ZC3H12B: variants seen among roughly 807,000 people sequenced by gnomAD.
The protein encoded by ZC3H12B is probable ribonuclease ZC3H12B.
Under a neutral mutation model 43.9 loss-of-function variants are expected in ZC3H12B, and 7 were observed. The ratio of observed to expected loss-of-function variants is 0.16; its 90% CI spans 0.09 to 0.30. ZC3H12B has a LOEUF of 0.30. Among genes scored for constraint, ZC3H12B ranks in the 10% least tolerant of loss-of-function variants. The pLI is 1.00. For missense variants in ZC3H12B, 475 were observed against 670.2 expected (o/e 0.71, Z 3.22); for synonymous variants, 222 against 241.7 (o/e 0.92, Z 0.76).
chrX:65,095,978 C>A, the ZC3H12B span, among the ~76,000 whole-genome samples: 74 of 110,591 alleles, frequency 6.7e-4, no homozygotes, highest in African/African-American at 2.1e-3. Flanking sequence ...GTCCACCTTT[C>A]AACAAAAGAT....
the ZC3H12B span, among the ~76,000 whole-genome samples, chrX:65,087,262 G>T: frequency 3.6e-5 from 4 of 111,108 alleles, no homozygotes; most frequent in Admixed American, 1.9e-4. Flanking sequence ...GCCAACACAG[G>T]CACACCCTCT....
chrX:65,319,046 G>A, the ZC3H12B span, among the ~76,000 whole-genome samples: 1 of 111,231 alleles, frequency 9.0e-6, no homozygotes, highest in Non-Finnish European at 1.9e-5. Context: ...ATACCCCAGA[G>A]CTAGCAGAGC....
intron 3 of ZC3H12B, among the ~76,000 whole-genome samples, chrX:65,463,169 A>C (rs1056736524): frequency 1.8e-5 from 2 of 111,920 alleles, no homozygotes; most frequent in Non-Finnish European, 3.8e-5. Context: ...CTTGAGTACT[A>C]TGCTCACTAC....
the ZC3H12B span, among the ~76,000 whole-genome samples, chrX:65,074,565 T>G: frequency 1.8e-5 from 2 of 112,217 alleles, no homozygotes; most frequent in African/African-American, 6.5e-5. Context: ...TGTTTGTCCC[T>G]TTATGTCTCT....
At chrX:65,116,997 G>A in the ZC3H12B span, among the ~76,000 whole-genome samples, 25 of 111,709 alleles carry the variant, frequency 2.2e-4, no homozygotes, top group Admixed American at 1.4e-3. Flanking sequence ...CTTTGCTATT[G>A]TGAATAGTGC....
the ZC3H12B span, among the ~76,000 whole-genome samples, chrX:65,309,234 T>C: frequency 9.3e-6 from 1 of 107,053 alleles, no homozygotes. Flanking sequence ...ATCAACAAAA[T>C]TGATAGACTG....
At chrX:65,050,070 T>A in the ZC3H12B span, among the ~76,000 whole-genome samples, 4 of 111,537 alleles carry the variant, frequency 3.6e-5, no homozygotes, top group Non-Finnish European at 5.7e-5. Context: ...AGTGTGTTTT[T>A]TAATGTACAT....
At chrX:65,275,452 G>A in the ZC3H12B span, among the ~76,000 whole-genome samples, 1 of 112,987 alleles carries the variant, frequency 8.9e-6, no homozygotes, top group Non-Finnish European at 1.9e-5. Flanking sequence ...AGTGAAACAG[G>A]CTAAAGTTGA....
the ZC3H12B span, among the ~76,000 whole-genome samples, chrX:65,319,429 TA>T: frequency 9.3e-6 from 1 of 107,608 alleles, no homozygotes; most frequent in African/African-American, 3.7e-5. Flanking sequence ...GAATTGGTAA[TA>T]AAAAAGCCTC....
chrX:65,126,090 T>G, the ZC3H12B span, among the ~76,000 whole-genome samples: 6 of 108,990 alleles, frequency 5.5e-5, no homozygotes, highest in African/African-American at 1.7e-4. Flanking sequence ...GAGGTTCTGT[T>G]TTGGTATATT....
chrX:65,190,051 G>C, the ZC3H12B span, among the ~76,000 whole-genome samples: 5 of 111,672 alleles, frequency 4.5e-5, no homozygotes, highest in African/African-American at 1.6e-4. Context: ...TTATTAAATA[G>C]GGAATCCTTT....
the ZC3H12B span, among the ~76,000 whole-genome samples, chrX:65,225,070 C>G: frequency 8.9e-6 from 1 of 111,968 alleles, no homozygotes; most frequent in Non-Finnish European, 1.9e-5. Context: ...TAGACTGCCT[C>G]CTCAAGTGGG....
At chrX:65,071,430 G>A in the ZC3H12B span, among the ~76,000 whole-genome samples, 5 of 109,458 alleles carry the variant, frequency 4.6e-5, no homozygotes, top group Non-Finnish European at 9.5e-5. Context: ...GTGCCTTTTA[G>A]TTGGGGAATT....
chrX:65,062,703 A>G, the ZC3H12B span, among the ~76,000 whole-genome samples: 1 of 112,028 alleles, frequency 8.9e-6, no homozygotes, highest in East Asian at 2.8e-4. Flanking sequence ...AACAAAGTCA[A>G]TTGTGACTTG....
exon 5 of ZC3H12B, chrX:65,503,080 G>T (rs1266979050): frequency 9.1e-6 from 11 of 1,209,353 alleles, no homozygotes; most frequent in Non-Finnish European, 1.2e-5. Flanking sequence ...ACCAGTATCA[G>T]ACCTACAAGA....
At chrX:65,145,324 C>G in the ZC3H12B span, among the ~76,000 whole-genome samples, 1 of 106,475 alleles carries the variant, frequency 9.4e-6, no homozygotes, top group Non-Finnish European at 1.9e-5. Context: ...TGCATGATGT[C>G]TTTTTCCACC....
chrX:65,441,165 C>T (rs755997533), intron 3 of ZC3H12B, among the ~76,000 whole-genome samples: 7 of 111,668 alleles, frequency 6.3e-5, no homozygotes, highest in South Asian at 3.8e-4. Context: ...CCTCCCATTG[C>T]GGTAATAAAT....
intron 2 of ZC3H12B, among the ~76,000 whole-genome samples, chrX:65,378,393 C>T (rs747286931): frequency 9.0e-6 from 1 of 111,193 alleles, no homozygotes; most frequent in Admixed American, 9.5e-5. Context: ...GACTTTATCA[C>T]TCTGAAAATA....
the ZC3H12B span, among the ~76,000 whole-genome samples, chrX:65,211,762 T>G: frequency 2.4e-5 from 2 of 84,831 alleles, no homozygotes; most frequent in African/African-American, 9.2e-5. Flanking sequence ...ATATTATATA[T>G]AATGTATGTT....
Sources: allele counts gnomAD v4.1 joint callset (sites outside exome capture counted in the v4.1 genomes callset), GRCh38; gene constraint gnomAD v4.1.1; transcripts MANE v1.5; gene names NCBI Gene and HGNC (gene_info 2026-07-23, HGNC 2026-07-21).